APP: variants seen among roughly 807,000 people sequenced by gnomAD.
The protein encoded by APP is amyloid beta precursor protein.
In APP, 31 loss-of-function variants were observed where a neutral mutation model predicts 101.4. That is an observed-to-expected ratio of 0.31 (90% CI 0.23 to 0.41). The LOEUF (loss-of-function observed/expected upper bound fraction) is 0.41. Among genes scored for constraint, APP ranks in the 10% least tolerant of loss-of-function variants. The probability of loss-of-function intolerance (pLI) is 1.00; values close to 1 mark genes in which losing one functional copy is unlikely to be tolerated. For synonymous variants in APP, 366 were observed against 364.4 expected, an observed-to-expected ratio of 1.00 and a Z score of -0.05; for missense variants, 839 against 1,003.7, an observed-to-expected ratio of 0.84 and a Z score of 2.22.
intron 3 of APP, chr21:26,089,501 C>A (rs536853087): frequency 4.2e-5 from 5 of 119,622 alleles, no homozygotes; most frequent in African/African-American, 1.2e-4. Context: ...TGTAGAACAG[C>A]CTTTTTTTTT....
At chr21:25,953,940 T>C (rs1601011885) in intron 13 of APP, among the ~76,000 whole-genome samples, 1 of 152,312 alleles carries the variant, frequency 6.6e-6, no homozygotes, top group East Asian at 1.9e-4. Flanking sequence ...TCTGTACTAT[T>C]TTTCCAAGTT....
chr21:25,955,725 A>G lies in APP; in HGVS notation c.1489T>C (p.Tyr497His). ...CTGTCCTTCTGTTCTGCGCGGACAT[A>G]CTTCTTTAGCATATTGAACACGTGA... is the stretch of plus-strand genomic sequence containing the variant. ...PRHVFNMLKK[Y>H]VRAEQKDRQH... The change falls in exon 12 of 18, where the codon TAT becomes CAT. Residue 497 changes from tyrosine (Y) to histidine (H), a missense_variant. Tyr to His is a moderately conservative substitution (Grantham distance 83). Coordinates refer to ENST00000346798, the MANE Select transcript of APP (RefSeq NM_000484.4). 6.2e-7 allele frequency: 1 copy of G among 1,614,122 alleles called. No individual in the cohort carries two copies. The highest frequency in any genetic ancestry group is 8.5e-7 in the Non-Finnish European group (1 of 1,180,014).
intron 1 of APP, among the ~76,000 whole-genome samples, chr21:26,154,877 G>C (rs2063344011): frequency 6.6e-6 from 1 of 152,206 alleles, no homozygotes; most frequent in South Asian, 2.1e-4. Context: ...GACTCTCCTA[G>C]AGCTGCACTG....
chr21:26,121,193 A>G (rs1361214435), intron 1 of APP, among the ~76,000 whole-genome samples: 2 of 152,180 alleles, frequency 1.3e-5, no homozygotes, highest in African/African-American at 4.8e-5. Flanking sequence ...TGCTGCATAG[A>G]CCTAGCCAAA....
At chr21:25,981,393 C>A (rs1347699236) in intron 9 of APP, among the ~76,000 whole-genome samples, 1 of 152,232 alleles carries the variant, frequency 6.6e-6, no homozygotes, top group East Asian at 1.9e-4. Flanking sequence ...AACCTGAGAT[C>A]TTTATTCATT....
At chr21:26,048,611 G>A (rs1256095612) in intron 5 of APP, among the ~76,000 whole-genome samples, 17 of 152,018 alleles carry the variant, frequency 1.1e-4, no homozygotes, top group Non-Finnish European at 2.5e-4. Context: ...ATTTATTGAG[G>A]ACCTATGTGC....
At chr21:26,113,972 T>C (rs1457583231) in intron 1 of APP, among the ~76,000 whole-genome samples, 1 of 152,232 alleles carries the variant, frequency 6.6e-6, no homozygotes, top group Non-Finnish European at 1.5e-5. Flanking sequence ...GTAAGGAATG[T>C]ACAATCCACT....
chr21:25,912,140 G>A (rs1445175030), intron 13 of APP, among the ~76,000 whole-genome samples, 178 bp from the exon 14 acceptor site: 6 of 152,160 alleles, frequency 3.9e-5, no homozygotes, highest in Admixed American at 2.0e-4. Flanking sequence ...GAAAACTGAG[G>A]CACATGGCAT....
At chr21:26,000,888 C>T (rs962428302) in intron 6 of APP, among the ~76,000 whole-genome samples, 10 of 151,322 alleles carry the variant, frequency 6.6e-5, no homozygotes, top group African/African-American at 2.4e-4. Flanking sequence ...AATTTAATTA[C>T]ATATGCATGA....
chr21:25,945,692 T>C, intron 13 of APP: 1 of 331,164 alleles, frequency 3.0e-6, no homozygotes, highest in Non-Finnish European at 5.9e-6. Flanking sequence ...ATGGGGGAAA[T>C]AATAGTCTTT....
chr21:26,102,189 C>T (rs577201807), intron 2 of APP, among the ~76,000 whole-genome samples: 12 of 150,086 alleles, frequency 8.0e-5, no homozygotes, highest in African/African-American at 1.5e-4. Context: ...CCCGGGTTCA[C>T]GCCATTCTCC....
chr21:25,979,256 C>G (rs1278320233), intron 9 of APP, among the ~76,000 whole-genome samples: 1 of 152,178 alleles, frequency 6.6e-6, no homozygotes, highest in African/African-American at 2.4e-5. Flanking sequence ...TACAATAAAA[C>G]TTAATTTAAA....
chr21:26,165,786 G>A (rs1480352670), intron 1 of APP, among the ~76,000 whole-genome samples: 1 of 152,058 alleles, frequency 6.6e-6, no homozygotes, highest in Non-Finnish European at 1.5e-5. Context: ...GATCTCTTAG[G>A]TTTCTATTTC....
intron 1 of APP, among the ~76,000 whole-genome samples, chr21:26,159,566 T>C (rs1451762344): frequency 2.0e-5 from 3 of 152,198 alleles, no homozygotes; most frequent in Non-Finnish European, 4.4e-5. Flanking sequence ...GGGCTTAGGC[T>C]TGGCTTTGTG....
Position 26,029,458 on chromosome 21 carries a change from G to A in APP, c.663-7416C>T, listed in dbSNP as rs376159179. 1.0e-3 allele frequency among the ~76,000 whole-genome samples: 146 copies of A among 145,028 alleles called. No homozygotes were observed. In the Middle Eastern group the frequency reaches 0.017, roughly 17 times the overall value. The stretch of plus-strand genomic sequence containing the variant: ...AGCCAGAAGACCCAAAAGAGTGAGT[G>A]CTAGTGTGTCTAGTGAGGCAGAGAT... On this transcript the variant is annotated intron_variant, in intron 5 of 17. Transcript: ENST00000346798.
intron 5 of APP, among the ~76,000 whole-genome samples, chr21:26,042,856 C>T (rs980414881): frequency 7.9e-5 from 12 of 152,052 alleles, no homozygotes; most frequent in Admixed American, 7.9e-4. Context: ...TTCAAGGTTA[C>T]ACTGATCTAT....
intron 3 of APP, among the ~76,000 whole-genome samples, chr21:26,054,830 T>C (rs542998481): frequency 6.6e-6 from 1 of 152,146 alleles, no homozygotes; most frequent in African/African-American, 2.4e-5. Context: ...AATGAATGTC[T>C]TTCTTTCATA....
At chr21:25,957,319 T>A (rs2041363528) in intron 11 of APP, among the ~76,000 whole-genome samples, 1 of 152,028 alleles carries the variant, frequency 6.6e-6, no homozygotes, top group East Asian at 1.9e-4. Flanking sequence ...ATAAGCTATA[T>A]CTCTATATAT....
chr21:25,946,927 G>C (rs1407555618), intron 13 of APP, among the ~76,000 whole-genome samples: 1 of 152,154 alleles, frequency 6.6e-6, no homozygotes, highest in Non-Finnish European at 1.5e-5. Flanking sequence ...TCAACAATTT[G>C]TCTGCCAGAA....
Sources: allele counts gnomAD v4.1 joint callset (sites outside exome capture counted in the v4.1 genomes callset), GRCh38; gene constraint gnomAD v4.1.1; transcripts MANE v1.5; gene names NCBI Gene and HGNC (gene_info 2026-07-23, HGNC 2026-07-21).